Variants in MECOM observed in about 807,000 individuals in gnomAD.
MECOM encodes histone-lysine N-methyltransferase MECOM.
Under a neutral mutation model 116.3 loss-of-function variants are expected in MECOM, and 13 were observed. The observed-to-expected ratio is 0.11, with a 90% CI of 0.07 to 0.18. The LOEUF (loss-of-function observed/expected upper bound fraction) is 0.18, where lower values mean the gene tolerates loss of function less well. Ranked by LOEUF, MECOM falls within the 10% of genes least tolerant of loss-of-function variation. MECOM has a pLI of 1.00. For synonymous variants in MECOM, 528 were observed against 535.2 expected (o/e 0.99, Z 0.19); for missense variants, 1,299 against 1,509.0 (o/e 0.86, Z 2.31).
At chr3:169,198,300 C>T (rs1054566243) in intron 2 of MECOM, among the ~76,000 whole-genome samples, 5 of 151,950 alleles carry the variant, frequency 3.3e-5, no homozygotes, top group African/African-American at 1.2e-4. Context: ...TAAATCAAAT[C>T]TTTATATCAA....
intron 1 of MECOM, among the ~76,000 whole-genome samples, chr3:169,470,584 A>T (rs1749058187): frequency 6.6e-6 from 1 of 152,182 alleles, no homozygotes; most frequent in Non-Finnish European, 1.5e-5. Context: ...GGGAGGGGAC[A>T]GGCAAGAGGG....
chr3:169,262,775 C>A (rs1022994771), intron 2 of MECOM, among the ~76,000 whole-genome samples: 6 of 152,040 alleles, frequency 3.9e-5, no homozygotes, highest in Non-Finnish European at 7.4e-5. Context: ...TCTGTTGAGG[C>A]AGCTAGCATT....
intron 1 of MECOM, among the ~76,000 whole-genome samples, chr3:169,596,548 T>C (rs540242479): frequency 2.1e-4 from 32 of 152,302 alleles, no homozygotes; most frequent in Non-Finnish European, 2.9e-4. Flanking sequence ...TGCGTACAAG[T>C]GATTATATCA....
At position 169,355,088 on chromosome 3, in the gene MECOM, G is replaced by GA. The variant is rs571140762; in HGVS notation, c.375+26098dup. On this transcript the variant is annotated intron_variant, in intron 2 of 16. Coordinates refer to ENST00000651503, the MANE Select transcript of MECOM (RefSeq NM_004991.4). ...GCAGTTGCAGCATTCAATTTGTCGG[G>GA]AAAAAAGGAAGCCACTTAATGGCTC... is the stretch of plus-strand genomic sequence containing the variant. Among the ~76,000 whole-genome samples, 280 of 151,966 alleles carry GA rather than the reference G, an allele frequency of 1.8e-3. 3 individuals carry two copies. Among genetic ancestry groups the GA allele is most frequent in the Admixed American group, 0.015 (225 of 15,236 alleles).
At chr3:169,148,783 A>G (rs1740603238) in intron 2 of MECOM, among the ~76,000 whole-genome samples, 1 of 152,194 alleles carries the variant, frequency 6.6e-6, no homozygotes, top group African/African-American at 2.4e-5. Flanking sequence ...TTGATTTAAA[A>G]ACAAAAATAG....
Position 169,277,056 on chromosome 3 carries a change from G to A in MECOM, c.375+104131C>T, listed in dbSNP as rs180812046. On this transcript the variant is annotated intron_variant, in intron 2 of 16. Transcript: ENST00000651503. ...CACAAGTGCTGTCATAATTTTCTAG[G>A]AGTACCAGGATTTCACTCCATGAGG... 2.0e-5 allele frequency among the ~76,000 whole-genome samples: 3 copies of A among 151,504 alleles called. No homozygotes were observed. The East Asian group carries it at 5.9e-4, about 30-fold the overall frequency.
chr3:169,312,657 C>A (rs570598286), intron 2 of MECOM, among the ~76,000 whole-genome samples: 1 of 152,190 alleles, frequency 6.6e-6, no homozygotes, highest in Non-Finnish European at 1.5e-5. Flanking sequence ...GGATTACAGG[C>A]GTGAGCCGCC....
chr3:169,096,087 A>G (rs1721355615), intron 12 of MECOM, among the ~76,000 whole-genome samples: 1 of 152,152 alleles, frequency 6.6e-6, no homozygotes, highest in African/African-American at 2.4e-5. Context: ...ATAAAATGAA[A>G]ATACAAAAAT....
chr3:169,149,931 CTCTCTG>C (rs1451148552), intron 2 of MECOM, among the ~76,000 whole-genome samples: 54 of 124,256 alleles, frequency 4.3e-4, no homozygotes, highest in Middle Eastern at 3.9e-3. Flanking sequence ...CTCTTTCTCT[CTCTCTG>C]TGTGTGTGTG....
At chr3:169,233,391 A>G (rs1753655313) in intron 2 of MECOM, among the ~76,000 whole-genome samples, 1 of 152,106 alleles carries the variant, frequency 6.6e-6, no homozygotes, top group Admixed American at 6.6e-5. Context: ...TATGCAGTAA[A>G]ATGGGGGTGA....
intron 1 of MECOM, among the ~76,000 whole-genome samples, chr3:169,594,165 A>C (rs1338054982): frequency 1.4e-4 from 19 of 137,608 alleles, no homozygotes; most frequent in Admixed American, 1.4e-3. Flanking sequence ...AAAAAAAAAA[A>C]AAAAAAAAAA....
rs1560553495 is a variant in MECOM at position 169,663,382 on chromosome 3, A to C, written c.-10T>G. ...TGCCTTTGGATCTCATGCTGTGCCCAGTCCTGCAGCCGCTGGTGTGTGGTT... is the reference window on the plus strand; with the variant it reads ...TGCCTTTGGATCTCATGCTGTGCCCCGTCCTGCAGCCGCTGGTGTGTGGTT... On this transcript the variant is annotated 5_prime_UTR_variant, in exon 1 of 17. Transcript: ENST00000651503. 6.2e-7 allele frequency: 1 copy of C among 1,609,532 alleles called. No individual in the cohort carries two copies. The highest frequency in any genetic ancestry group is 1.1e-5 in the South Asian group (1 of 89,844).
intron 1 of MECOM, among the ~76,000 whole-genome samples, chr3:169,444,104 G>A (rs538146125): frequency 6.6e-6 from 1 of 152,124 alleles, no homozygotes; most frequent in African/African-American, 2.4e-5. Flanking sequence ...CTTTCCTACC[G>A]TCTACTTCCA....
intron 2 of MECOM, among the ~76,000 whole-genome samples, chr3:169,185,941 T>A (rs1746649597): frequency 6.6e-6 from 1 of 152,172 alleles, no homozygotes; most frequent in Non-Finnish European, 1.5e-5. Context: ...TGACTATACA[T>A]CATTTTCTGC....
At chr3:169,171,719 G>A (rs57555993) in intron 2 of MECOM, among the ~76,000 whole-genome samples, 10,683 of 152,052 alleles carry the variant, frequency 0.07, 480 homozygotes, top group South Asian at 0.19. Context: ...ACAAGGATAA[G>A]AAGCTATTCC....
intron 2 of MECOM, among the ~76,000 whole-genome samples, chr3:169,217,134 A>G (rs571802865): frequency 6.6e-6 from 1 of 152,356 alleles, no homozygotes; most frequent in Admixed American, 6.5e-5. Context: ...AGATGAACTC[A>G]TAACAGAATG....
chr3:169,575,188 T>C (rs1284737997), intron 1 of MECOM, among the ~76,000 whole-genome samples: 1 of 152,118 alleles, frequency 6.6e-6, no homozygotes, highest in African/African-American at 2.4e-5. Flanking sequence ...TTAAAGACCC[T>C]CAGTTTCACA....
intron 1 of MECOM, among the ~76,000 whole-genome samples, chr3:169,442,271 G>A (rs931094573): frequency 3.9e-5 from 6 of 152,104 alleles, no homozygotes; most frequent in African/African-American, 1.4e-4. Flanking sequence ...ATGTTGTCCA[G>A]GCTGGTCTCG....
chr3:169,385,103 C>CA (rs751654546), intron 1 of MECOM, among the ~76,000 whole-genome samples: 30,169 of 81,066 alleles, frequency 0.37, 4,984 homozygotes, highest in East Asian at 0.48. Context: ...GACCCTGTCT[C>CA]AAAAAAAAAA....
Sources: gnomAD v4.1 joint callset for allele counts (sites outside exome capture counted in the v4.1 genomes callset) on GRCh38, gnomAD v4.1.1 for gene constraint, MANE v1.5 for transcripts, NCBI Gene and HGNC (gene_info 2026-07-23, HGNC 2026-07-21) for gene names.